The following FAM193A variants were observed in gnomAD, a reference collection of about 807,000 sequenced individuals.
FAM193A encodes the protein family with sequence similarity 193 member A, also known as protein FAM193A.
FAM193A carries 22 observed loss-of-function variants against 126.5 expected under a neutral mutation model. The ratio of observed to expected loss-of-function variants is 0.17; its 90% CI spans 0.12 to 0.25. FAM193A has a LOEUF of 0.25. Ranked by LOEUF, FAM193A falls within the 10% of genes least tolerant of loss-of-function variation. The probability of loss-of-function intolerance (pLI) is 1.00; values close to 1 mark genes in which losing one functional copy is unlikely to be tolerated. For synonymous variants in FAM193A, 761 were observed against 646.8 expected (o/e 1.18, Z -2.68); for missense variants, 1,675 against 1,672.8 (o/e 1.00, Z -0.02).
At chr4:2,693,495 T>TG (rs936585562) in intron 15 of FAM193A, 91 bp from the exon 16 acceptor site, 2 of 1,205,184 alleles carry the variant, frequency 1.7e-6, no homozygotes, top group African/African-American at 3.0e-5. Flanking sequence ...GAAGGATGAA[T>TG]GGGTACTCTT....
At chr4:2,648,968 G>A (rs1745403532) in intron 7 of FAM193A, among the ~76,000 whole-genome samples, 1 of 152,186 alleles carries the variant, frequency 6.6e-6, no homozygotes, top group Non-Finnish European at 1.5e-5. Flanking sequence ...TCCCGGATCT[G>A]CCCCATGAGT....
intron 7 of FAM193A, among the ~76,000 whole-genome samples, chr4:2,653,407 C>A (rs1012924190): frequency 6.6e-6 from 1 of 152,108 alleles, no homozygotes; most frequent in Non-Finnish European, 1.5e-5. Context: ...AAAGAGAAAA[C>A]CAGTCTCTTC....
intron 13 of FAM193A, among the ~76,000 whole-genome samples, chr4:2,687,152 G>T (rs1411871978): frequency 6.6e-6 from 1 of 152,114 alleles, no homozygotes; most frequent in African/African-American, 2.4e-5. Flanking sequence ...GCCCAGAGGG[G>T]AGTGCTTCCT....
chr4:2,713,670 T>C (rs769368317), intron 19 of FAM193A, among the ~76,000 whole-genome samples: 9 of 152,218 alleles, frequency 5.9e-5, no homozygotes, highest in African/African-American at 1.2e-4. Context: ...GTTTCTGCTC[T>C]GTCAGAACAC....
At chr4:2,585,593 G>A (rs1375172640) in intron 1 of FAM193A, among the ~76,000 whole-genome samples, 1 of 151,326 alleles carries the variant, frequency 6.6e-6, no homozygotes, top group Admixed American at 6.6e-5. Context: ...ACTTTTTTTT[G>A]TCATTTTTTT....
chr4:2,687,107 G>A (rs1348871748), intron 13 of FAM193A, among the ~76,000 whole-genome samples: 1 of 151,958 alleles, frequency 6.6e-6, no homozygotes, highest in Non-Finnish European at 1.5e-5. Flanking sequence ...TCCTGGGCCT[G>A]TTCCAGGTCA....
At chr4:2,553,500 C>A (rs557214043) in intron 1 of FAM193A, among the ~76,000 whole-genome samples, 1 of 151,376 alleles carries the variant, frequency 6.6e-6, no homozygotes, top group African/African-American at 2.4e-5. Context: ...CCTGCCTCAG[C>A]CCCCTGAGTA....
At chr4:2,716,223 G>A in intron 20 of FAM193A, 119 bp downstream of exon 20, 2 of 730,306 alleles carry the variant, frequency 2.7e-6, no homozygotes, top group Non-Finnish European at 2.5e-6. Flanking sequence ...AAGCAAGCCA[G>A]ACAACATGGC....
chr4:2,625,273 T>G lies in FAM193A; in HGVS notation c.513T>G (p.Phe171Leu). 3 of 702,112 alleles carry G rather than the reference T, an allele frequency of 4.3e-6. No individual in the cohort carries two copies. Among genetic ancestry groups the G allele is most frequent in the Non-Finnish European group, 5.2e-6 (2 of 384,466 alleles). The allele number at this position is 702,112 out of a possible 1,614,324, so 43.5% of individuals were successfully genotyped here. The change falls in exon 3 of 21, where the codon TTT becomes TTG. Residue 171 changes from phenylalanine to leucine, a missense_variant. Physicochemically the swap from Phe to Leu is conservative, Grantham distance 22. Coordinates refer to ENST00000637812, the MANE Select transcript of FAM193A (RefSeq NM_001366318.2). ...GGLDQPVSQDFLLHSSLGGSQ... is the reference protein window; with the variant it reads ...GGLDQPVSQDLLLHSSLGGSQ... ...TCTTTTTAAAACAGAGCCAAGATTTTCTTCTTCACTCCTCGCTTGGTGGCT... is the reference window on the plus strand; with the variant it reads ...TCTTTTTAAAACAGAGCCAAGATTTGCTTCTTCACTCCTCGCTTGGTGGCT...
At chr4:2,672,975 G>A (rs1560550058) in intron 13 of FAM193A, among the ~76,000 whole-genome samples, 1 of 152,160 alleles carries the variant, frequency 6.6e-6, no homozygotes, top group Non-Finnish European at 1.5e-5. Context: ...AGTGGAGTGA[G>A]GATGTAGAAA....
intron 8 of FAM193A, among the ~76,000 whole-genome samples, chr4:2,658,480 T>G (rs1330261912): frequency 6.6e-6 from 1 of 152,132 alleles, no homozygotes; most frequent in African/African-American, 2.4e-5. Context: ...GCCCTTGGCT[T>G]CATCTGGAAA....
intron 1 of FAM193A, among the ~76,000 whole-genome samples, chr4:2,542,967 A>G (rs561382467): frequency 1.3e-5 from 2 of 152,294 alleles, no homozygotes; most frequent in South Asian, 2.1e-4. Flanking sequence ...GTAGGAAAAC[A>G]TAACTTAGCT....
In FAM193A at chr4:2,702,819, T is replaced by C. The variant is rs548203970; in HGVS notation, c.4372+2275T>C. Among the ~76,000 whole-genome samples the C allele has an allele frequency of 2.0e-5, 3 of 152,328 alleles. No individual in the cohort carries two copies. The South Asian group carries it at 6.2e-4, about 32-fold the overall frequency. On this transcript the variant is annotated intron_variant, in intron 19 of 20. Transcript: ENST00000637812. The stretch of plus-strand genomic sequence containing the variant: ...GGTATTTGTTCAGTTCTTTTTGTCT[T>C]TAGCCTCAGGGTGTGGTGATTACAC...
intron 20 of FAM193A, among the ~76,000 whole-genome samples, chr4:2,720,525 A>G (rs755737682): frequency 7.9e-5 from 12 of 151,922 alleles, no homozygotes; most frequent in Middle Eastern, 3.4e-3. Context: ...GGTGACATGC[A>G]CCTGTGGTCC....
chr4:2,715,091 C>T (rs1179808500), intron 19 of FAM193A, among the ~76,000 whole-genome samples: 1 of 152,192 alleles, frequency 6.6e-6, no homozygotes, highest in Admixed American at 6.5e-5. Flanking sequence ...CAATGATTTC[C>T]CTGCTATCCT....
chr4:2,652,890 G>A (rs138095182), intron 7 of FAM193A, among the ~76,000 whole-genome samples: 132 of 152,328 alleles, frequency 8.7e-4, no homozygotes, highest in African/African-American at 2.8e-3. Flanking sequence ...AACCGTTACC[G>A]AGTGCTGTGC....
chr4:2,603,170 T>A (rs183049996), intron 2 of FAM193A, among the ~76,000 whole-genome samples: 12 of 149,568 alleles, frequency 8.0e-5, no homozygotes, highest in African/African-American at 2.4e-4. Context: ...ATATATATAT[T>A]TTTTAGTAGA....
intron 1 of FAM193A, among the ~76,000 whole-genome samples, chr4:2,575,655 C>T (rs141900205): frequency 0.028 from 4,298 of 151,798 alleles, 221 homozygotes; most frequent in African/African-American, 0.098. Context: ...TTAGTAGAGA[C>T]GGGGATTCAC....
chr4:2,586,758 A>G (rs555722397), intron 1 of FAM193A, among the ~76,000 whole-genome samples: 6 of 152,240 alleles, frequency 3.9e-5, no homozygotes, highest in South Asian at 4.1e-4. Flanking sequence ...GGCTCAAGCA[A>G]TCTTCCCACC....
Sources: allele counts gnomAD v4.1 joint callset (sites outside exome capture counted in the v4.1 genomes callset), GRCh38; gene constraint gnomAD v4.1.1; transcripts MANE v1.5; gene names NCBI Gene and HGNC (gene_info 2026-07-23, HGNC 2026-07-21).